Variants in EXOC5 observed in about 807,000 individuals in gnomAD.
EXOC5 encodes SEC10-like 1.
EXOC5 carries 17 observed loss-of-function variants against 90.8 expected under a neutral mutation model. That is an observed-to-expected ratio of 0.19 (90% CI 0.13 to 0.28). EXOC5 has a LOEUF of 0.28. Ranked by LOEUF, EXOC5 falls within the 10% of genes least tolerant of loss-of-function variation. The probability of loss-of-function intolerance (pLI) is 1.00; values close to 1 mark genes in which losing one functional copy is unlikely to be tolerated. For synonymous variants in EXOC5, 260 were observed against 270.0 expected, an observed-to-expected ratio of 0.96 and a Z score of 0.36; for missense variants, 569 against 830.6, an observed-to-expected ratio of 0.69 and a Z score of 3.87.
At chr14:57,263,750 A>C (rs1884587575) in intron 1 of EXOC5, among the ~76,000 whole-genome samples, 2 of 147,512 alleles carry the variant, frequency 1.4e-5, no homozygotes. Flanking sequence ...AAAAAAAAAA[A>C]AAAAAAAAAA....
chr14:57,267,455 A>T (rs1884706118), intron 1 of EXOC5, among the ~76,000 whole-genome samples: 1 of 152,228 alleles, frequency 6.6e-6, no homozygotes, highest in African/African-American at 2.4e-5. Flanking sequence ...GTGGCATTCA[A>T]ATTGTAAGCC....
rs1376381938 is a variant in EXOC5 at position 57,238,365 on chromosome 14, T to TAC, written c.531-1000_531-999insGT. Among the ~76,000 whole-genome samples, 130 of 92,356 alleles carry TAC rather than the reference T, an allele frequency of 1.4e-3. 1 individual carries two copies. The highest frequency in any genetic ancestry group is 4.2e-3 in the African/African-American group (117 of 28,008). The allele number at this position is 92,356 out of a possible 152,430, so 60.6% of individuals were successfully genotyped here. A position where few individuals can be genotyped will look rare whatever the true frequency, so the allele number is the denominator to read the frequency against. On this transcript the variant is annotated intron_variant, in intron 5 of 17. Coordinates refer to ENST00000621441, the MANE Select transcript of EXOC5 (RefSeq NM_006544.4). ...CTAATTAGACATATATATATATATA[T>TAC]ATATATATATACACACACACACACA...
At chr14:57,210,176 ACT>A (rs1465994292) in intron 15 of EXOC5, 115 bp from the exon 16 acceptor site, 34 of 560,798 alleles carry the variant, frequency 6.1e-5, no homozygotes, top group Admixed American at 5.4e-4. Flanking sequence ...TCACCATGAA[ACT>A]CTTTTACTAT....
intron 1 of EXOC5, among the ~76,000 whole-genome samples, chr14:57,264,337 C>G (rs76247942): frequency 3.9e-4 from 60 of 152,280 alleles, no homozygotes; most frequent in African/African-American, 1.4e-3. Context: ...TTCAACAACT[C>G]TGTTTAACTA....
At chr14:57,251,685 A>C (rs1324607013) in intron 1 of EXOC5, among the ~76,000 whole-genome samples, 1 of 152,018 alleles carries the variant, frequency 6.6e-6, no homozygotes, top group East Asian at 1.9e-4. Context: ...AGCTAACAGA[A>C]GGAAGGAAAT....
At position 57,205,960 on chromosome 14, in the gene EXOC5, G is replaced by A. The variant is rs1435822914; in HGVS notation, c.*2649C>T. ...GCTACTATTTAATAATTCTTCATAA[G>A]GACACTTCATCTACTCTGGTTGACT... is the stretch of plus-strand genomic sequence containing the variant. On this transcript the variant is annotated 3_prime_UTR_variant, in exon 18 of 18. Coordinates refer to ENST00000621441, the MANE Select transcript of EXOC5 (RefSeq NM_006544.4). 1 of 455,992 alleles carries A rather than the reference G, an allele frequency of 2.2e-6. No individual in the cohort carries two copies. Among genetic ancestry groups the A allele is most frequent in the Non-Finnish European group, 4.4e-6 (1 of 226,608 alleles). 28.2% of individuals were successfully genotyped at this position (455,992 alleles called of 1,614,324 possible).
At chr14:57,249,200 T>C (rs1884113822) in intron 1 of EXOC5, among the ~76,000 whole-genome samples, 1 of 152,164 alleles carries the variant, frequency 6.6e-6, no homozygotes, top group African/African-American at 2.4e-5. Flanking sequence ...GTAGGTTCTA[T>C]TAATACCAAT....
chr14:57,228,270 A>T (rs7142694), intron 12 of EXOC5, among the ~76,000 whole-genome samples: 1 of 151,918 alleles, frequency 6.6e-6, no homozygotes, highest in Non-Finnish European at 1.5e-5. Context: ...GTAAACTAGT[A>T]CAACCATTGT....
intron 15 of EXOC5, among the ~76,000 whole-genome samples, chr14:57,215,062 T>C (rs4569162): frequency 0.3 from 45,390 of 151,808 alleles, 12,071 homozygotes; most frequent in African/African-American, 0.72. Context: ...AAACCATGTC[T>C]CTACTAAAAA....
intron 12 of EXOC5, among the ~76,000 whole-genome samples, chr14:57,223,987 G>C (rs902710136): frequency 6.6e-6 from 1 of 151,916 alleles, no homozygotes; most frequent in Non-Finnish European, 1.5e-5. Flanking sequence ...CAAATCAAAA[G>C]CAACATTAAA....
At chr14:57,225,294 A>G (rs1169415771) in intron 12 of EXOC5, among the ~76,000 whole-genome samples, 1 of 152,194 alleles carries the variant, frequency 6.6e-6, no homozygotes, top group East Asian at 1.9e-4. Context: ...TCTAATCCTC[A>G]TAAAACCACT....
Position 57,206,101 on chromosome 14 carries a change from T to G in EXOC5, c.*2508A>C, listed in dbSNP as rs1449764838. On this transcript the variant is annotated 3_prime_UTR_variant, in exon 18 of 18. Transcript: ENST00000621441. ...AATGCACAGTGTGTTAAGAGCATAT[T>G]TTCAACTTCATTCAATGCATTACCT... 4 of 411,948 alleles carry G rather than the reference T, an allele frequency of 9.7e-6. No individual in the cohort carries two copies. The highest frequency in any genetic ancestry group is 8.3e-5 in the African/African-American group (4 of 48,226). 25.5% of individuals were successfully genotyped at this position (411,948 alleles called of 1,614,324 possible).
At chr14:57,255,737 T>G (rs1432473166) in intron 1 of EXOC5, among the ~76,000 whole-genome samples, 1 of 150,484 alleles carries the variant, frequency 6.6e-6, no homozygotes, top group Non-Finnish European at 1.5e-5. Context: ...GAAGCTGAGG[T>G]AGGAGAATTG....
chr14:57,238,223 T>C (rs7146807), intron 5 of EXOC5, among the ~76,000 whole-genome samples: 11,649 of 124,838 alleles, frequency 0.093, 847 homozygotes, highest in African/African-American at 0.23. Flanking sequence ...CACATATATA[T>C]ACACACACAC....
At chr14:57,221,589 T>C (rs1883142634) in intron 13 of EXOC5, among the ~76,000 whole-genome samples, 2 of 152,176 alleles carry the variant, frequency 1.3e-5, no homozygotes, top group African/African-American at 4.8e-5. Context: ...GATTTGCTGA[T>C]GGATTGGCTA....
At chr14:57,217,453 T>C (rs543144119) in intron 15 of EXOC5, among the ~76,000 whole-genome samples, 104 of 152,340 alleles carry the variant, frequency 6.8e-4, no homozygotes, top group African/African-American at 2.4e-3. Flanking sequence ...TTTTCATTAC[T>C]GCTAAATCTG....
chr14:57,243,099 C>CG (rs1442658026), intron 4 of EXOC5: 1 of 151,878 alleles, frequency 6.6e-6, no homozygotes, highest in Non-Finnish European at 1.5e-5. Flanking sequence ...GCTCTAAAGG[C>CG]GGAAGTTGAG....
Position 57,206,164 on chromosome 14 carries a change from C to CCTG in EXOC5, c.*2444_*2445insCAG. The CCTG allele has an allele frequency of 3.0e-6, 1 of 334,726 alleles. No homozygotes were observed. The highest frequency in any genetic ancestry group is 4.1e-5 in the Admixed American group (1 of 24,562). The allele number at this position is 334,726 out of a possible 1,614,324, so 20.7% of individuals were successfully genotyped here. On this transcript the variant is annotated 3_prime_UTR_variant, in exon 18 of 18. Transcript: ENST00000621441. Reference sequence around the variant, plus strand: ...TTAGCTCATGCGGTATTGTGTAATACTGCAAAGACCGTACTTACGTAAATG... The same window carrying CCTG: ...TTAGCTCATGCGGTATTGTGTAATACCTGTGCAAAGACCGTACTTACGTAAATG...
At chr14:57,268,407 G>C (rs972138089) in intron 1 of EXOC5, 13 of 1,371,762 alleles carry the variant, frequency 9.5e-6, no homozygotes, top group Non-Finnish European at 1.2e-5. Flanking sequence ...CCTCTCTGCC[G>C]ACCGGCCGCC....
Sources: gnomAD v4.1 joint callset for allele counts (sites outside exome capture counted in the v4.1 genomes callset) on GRCh38, gnomAD v4.1.1 for gene constraint, MANE v1.5 for transcripts, NCBI Gene and HGNC (gene_info 2026-07-23, HGNC 2026-07-21) for gene names.